The following GAB2 variants were observed in gnomAD, a reference collection of about 807,000 sequenced individuals.
GAB2 encodes GRB2-associated-binding protein 2.
Under a neutral mutation model 65.5 loss-of-function variants are expected in GAB2, and 26 were observed. The ratio of observed to expected loss-of-function variants is 0.40; its 90% CI spans 0.29 to 0.55. The LOEUF is 0.55. Among genes scored for constraint, GAB2 ranks in the 20% least tolerant of loss-of-function variants. The pLI is 0.53. For missense variants in GAB2, 884 were observed against 875.8 expected (o/e 1.01, Z -0.12); for synonymous variants, 321 against 329.6 (o/e 0.97, Z 0.28).
At chr11:78,354,282 A>C (rs1856323992) in intron 1 of GAB2, among the ~76,000 whole-genome samples, 1 of 152,118 alleles carries the variant, frequency 6.6e-6, no homozygotes, top group Non-Finnish European at 1.5e-5. Context: ...TGCTCAAGGC[A>C]CTCAAGTCTT....
rs1864444207 is a variant in GAB2 at position 78,221,866 on chromosome 11, C to T, written c.1659-87G>A. The T allele has an allele frequency of 1.4e-5, 12 of 849,956 alleles. No homozygotes were observed. In the South Asian group the frequency reaches 1.7e-4, roughly 12 times the overall value. 52.7% of individuals were successfully genotyped at this position (849,956 alleles called of 1,614,324 possible). ...CTCCAGCTGGGCCCTGACCCTCACA[C>T]ACCCAGACCTCAGCCATTAGAGCTG... On this transcript the variant is annotated intron_variant, in intron 7 of 9. Coordinates refer to ENST00000361507, the MANE Select transcript of GAB2 (RefSeq NM_080491.3).
chr11:78,413,804 G>T (rs73502985), intron 1 of GAB2, among the ~76,000 whole-genome samples: 1 of 152,038 alleles, frequency 6.6e-6, no homozygotes, highest in African/African-American at 2.4e-5. Flanking sequence ...AACCATGCAG[G>T]CTGGGCGCGG....
At chr11:78,260,334 G>A (rs1489507595) in intron 2 of GAB2, among the ~76,000 whole-genome samples, 1 of 152,236 alleles carries the variant, frequency 6.6e-6, no homozygotes, top group Non-Finnish European at 1.5e-5. Flanking sequence ...AAAGAGGAAA[G>A]AGAGCGAGTG....
intron 1 of GAB2, among the ~76,000 whole-genome samples, chr11:78,299,274 C>G (rs1311752370): frequency 6.6e-6 from 1 of 152,154 alleles, no homozygotes; most frequent in Non-Finnish European, 1.5e-5. Context: ...TAAACACTTT[C>G]CTGCTCTGGG....
intron 1 of GAB2, among the ~76,000 whole-genome samples, chr11:78,327,545 T>C (rs752302526): frequency 6.6e-6 from 1 of 152,094 alleles, no homozygotes; most frequent in Non-Finnish European, 1.5e-5. Context: ...GGTAGCAATA[T>C]TCATGAAGTG....
At chr11:78,297,143 G>A (rs1285639834) in intron 1 of GAB2, among the ~76,000 whole-genome samples, 1 of 152,154 alleles carries the variant, frequency 6.6e-6, no homozygotes, top group African/African-American at 2.4e-5. Context: ...TCTAGAATGT[G>A]TGAATATGAG....
intron 1 of GAB2, among the ~76,000 whole-genome samples, chr11:78,289,748 A>C (rs1185326327): frequency 4.0e-5 from 6 of 148,262 alleles, no homozygotes. Context: ...AGAGAGAAGG[A>C]GCAATGAACA....
chr11:78,393,761 T>C (rs1856861480), intron 1 of GAB2, among the ~76,000 whole-genome samples: 1 of 152,234 alleles, frequency 6.6e-6, no homozygotes, highest in African/African-American at 2.4e-5. Flanking sequence ...CTGCAATAAT[T>C]GTAACAGTTA....
chr11:78,239,825 C>T (rs1039289616), intron 3 of GAB2, among the ~76,000 whole-genome samples: 3 of 152,198 alleles, frequency 2.0e-5, no homozygotes, highest in African/African-American at 7.2e-5. Context: ...CTAGGGTCCA[C>T]ATAGCTGTGT....
intron 2 of GAB2, among the ~76,000 whole-genome samples, chr11:78,276,903 C>G (rs935628249): frequency 6.6e-6 from 1 of 152,144 alleles, no homozygotes; most frequent in South Asian, 2.1e-4. Flanking sequence ...CTACAAGCTC[C>G]GCCTCCCAGG....
chr11:78,226,874 G>A lies in GAB2; in HGVS notation c.798C>T (p.Tyr266=), dbSNP rs761692252. 9.3e-6 allele frequency: 15 copies of A among 1,613,984 alleles called. No homozygotes were observed. The highest frequency in any genetic ancestry group is 1.1e-5 in the South Asian group (1 of 91,086). The change falls in exon 4 of 10, where the codon TAC becomes TAT. Residue 266 remains tyrosine, a synonymous_variant. Coordinates refer to ENST00000361507, the MANE Select transcript of GAB2 (RefSeq NM_080491.3). ...GGGAGGCCAGGCTGCGGGGGAGGTC[G>A]TAGGTACTGTCTCTGAATTCTGTAT... ...RHNTEFRDST[Y]DLPRSLASHG...
rs552681256 is a variant in GAB2, at chr11:78,215,591, GACAA to G, written c.*3677_*3680del. On this transcript the variant is annotated 3_prime_UTR_variant, in exon 10 of 10. Coordinates refer to ENST00000361507, the MANE Select transcript of GAB2 (RefSeq NM_080491.3). Reference sequence around the variant, plus strand: ...TTCCACTAGCCCATTTTCTCTTCCTGACAAACAGTGACAATTCTGCGTGAAATAA... The same window carrying G: ...TTCCACTAGCCCATTTTCTCTTCCTGACAGTGACAATTCTGCGTGAAATAA... The G allele has an allele frequency of 8.5e-5, 13 of 152,506 alleles. No individual in the cohort carries two copies. The highest frequency in any genetic ancestry group is 8.3e-4 in the South Asian group (4 of 4,832). The allele number at this position is 152,506 out of a possible 1,614,324, so 9.4% of individuals were successfully genotyped here.
At chr11:78,237,148 A>G (rs1865004211) in intron 3 of GAB2, among the ~76,000 whole-genome samples, 1 of 152,216 alleles carries the variant, frequency 6.6e-6, no homozygotes, top group South Asian at 2.1e-4. Context: ...GGTAGAATTT[A>G]CCAGTAAAAC....
intron 1 of GAB2, among the ~76,000 whole-genome samples, chr11:78,408,742 T>G (rs148431625): frequency 2.6e-5 from 4 of 152,128 alleles, no homozygotes; most frequent in Non-Finnish European, 4.4e-5. Context: ...GTTCTCATGA[T>G]AGTGAGTGAG....
rs115244610 is a variant in GAB2, at chr11:78,300,495, G to A, written c.76-19594C>T. Among the ~76,000 whole-genome samples the A allele has an allele frequency of 8.2e-3, 1,156 of 141,316 alleles. 13 individuals carry two copies. Among genetic ancestry groups the A allele is most frequent in the African/African-American group, 0.03 (1,095 of 36,784 alleles). The allele number at this position is 141,316 out of a possible 152,430, so 92.7% of individuals were successfully genotyped here. ...AGGAGTGGAATGGATGGGTCACATA[G>A]TAAGTCTACGTTTAATTTTATAAAA... On this transcript the variant is annotated intron_variant, in intron 1 of 9. Transcript: ENST00000361507.
Position 78,402,900 on chromosome 11 carries a change from G to A in GAB2, c.75+14746C>T, listed in dbSNP as rs934382752. On this transcript the variant is annotated intron_variant, in intron 1 of 9. Transcript: ENST00000361507. Reference sequence around the variant, plus strand: ...CTAATCCCTAAAGTGACCGTATTAGGAGGTGGGTCCTTTGGGAGGTTATCA... The same window carrying A: ...CTAATCCCTAAAGTGACCGTATTAGAAGGTGGGTCCTTTGGGAGGTTATCA... Among the ~76,000 whole-genome samples, 36 of 152,156 alleles carry A rather than the reference G, an allele frequency of 2.4e-4. 1 individual carries two copies. The highest frequency in any genetic ancestry group is 8.7e-4 in the African/African-American group (36 of 41,418).
chr11:78,223,737 G>GT, intron 5 of GAB2, 61 bp from the exon 6 acceptor site: 1 of 1,362,444 alleles, frequency 7.3e-7, no homozygotes, highest in Non-Finnish European at 1.0e-6. Flanking sequence ...CAGGAAGGGG[G>GT]TAAGACTTTG....
chr11:78,394,812 G>A (rs1856875662), intron 1 of GAB2, among the ~76,000 whole-genome samples: 1 of 152,204 alleles, frequency 6.6e-6, no homozygotes, highest in South Asian at 2.1e-4. Flanking sequence ...CCAGAGAAGA[G>A]TGAGGATGTC....
Position 78,226,495 on chromosome 11 carries a change from G to A in GAB2, c.1177C>T (p.Pro393Ser). The A allele has an allele frequency of 6.2e-7, 1 of 1,613,970 alleles. No individual in the cohort carries two copies. Among genetic ancestry groups the A allele is most frequent in the Non-Finnish European group, 8.5e-7 (1 of 1,179,888 alleles). ...AATIPRRNTL[P>S]AMDNSRLHRA... Reference sequence around the variant, plus strand: ...TGAAGTCGGCTGTTGTCCATTGCAGGGAGGGTGTTGCGTCTGGGGATGGTG... The same window carrying A: ...TGAAGTCGGCTGTTGTCCATTGCAGAGAGGGTGTTGCGTCTGGGGATGGTG... The change falls in exon 4 of 10, where the codon CCT (proline) becomes TCT (serine). Residue 393 changes from proline to serine, a missense_variant. Coordinates refer to ENST00000361507, the MANE Select transcript of GAB2 (RefSeq NM_080491.3).
Sources: gnomAD v4.1 joint callset for allele counts (sites outside exome capture counted in the v4.1 genomes callset) on GRCh38, gnomAD v4.1.1 for gene constraint, MANE v1.5 for transcripts, NCBI Gene and HGNC (gene_info 2026-07-23, HGNC 2026-07-21) for gene names.